PRLR: variants seen among roughly 807,000 people sequenced by gnomAD.
PRLR encodes the protein hPRL receptor.
In PRLR, 13 loss-of-function variants were observed where a neutral mutation model predicts 40.2. The observed-to-expected ratio is 0.32, with a 90% CI of 0.21 to 0.51. The LOEUF (loss-of-function observed/expected upper bound fraction) is 0.51, where lower values mean the gene tolerates loss of function less well. PRLR is among the 20% of genes least tolerant of loss of function. The pLI, the probability that PRLR is intolerant of heterozygous loss-of-function variation, is 0.97. For missense variants in PRLR, 656 were observed against 747.3 expected (o/e 0.88, Z 1.42); for synonymous variants, 269 against 278.7 (o/e 0.97, Z 0.35).
At chr5:35,229,195 G>T (rs1776629462) in intron 1 of PRLR, among the ~76,000 whole-genome samples, 1 of 150,624 alleles carries the variant, frequency 6.6e-6, no homozygotes, top group Non-Finnish European at 1.5e-5. Context: ...CCCAGAGAGG[G>T]TAAGTATCTT....
At chr5:35,069,792 T>C (rs1769623956) in intron 7 of PRLR, among the ~76,000 whole-genome samples, 1 of 152,216 alleles carries the variant, frequency 6.6e-6, no homozygotes, top group Admixed American at 6.5e-5. Context: ...TACTGCCTTA[T>C]AAATTCTGGA....
At position 35,136,282 on chromosome 5, in the gene PRLR, C is replaced by T. The variant is rs114278243; in HGVS notation, c.-105-18160G>A. Among the ~76,000 whole-genome samples, 1,016 of 152,254 alleles carry T rather than the reference C, an allele frequency of 6.7e-3. 8 individuals are homozygous for T. Among genetic ancestry groups the T allele is most frequent in the Middle Eastern group, 0.01 (3 of 294 alleles). ...GAATTTCTTAGGTACAAGGTAAAGC[C>T]TTAGTTGGTGAAGGAAAAAGAGACG... On this transcript the variant is annotated intron_variant, in intron 1 of 9. Coordinates refer to ENST00000618457, the MANE Select transcript of PRLR (RefSeq NM_000949.7).
chr5:35,076,224 C>A lies in PRLR; in HGVS notation c.374-3480G>T, dbSNP rs561927582. Among the ~76,000 whole-genome samples, 95 of 152,210 alleles carry A rather than the reference C, an allele frequency of 6.2e-4. No individual in the cohort carries two copies. The South Asian group carries it at 7.7e-3, about 12-fold the overall frequency. On this transcript the variant is annotated intron_variant, in intron 5 of 9. Transcript: ENST00000618457. ...CGAGCTGAGAGAAGAAGGCTTCAGA[C>A]GATTGGTAATAACAAACTTCTCTGA...
At chr5:35,129,110 G>A (rs1186942278) in intron 1 of PRLR, among the ~76,000 whole-genome samples, 2 of 152,192 alleles carry the variant, frequency 1.3e-5, no homozygotes, top group Non-Finnish European at 2.9e-5. Context: ...AAAAGAGATG[G>A]TGTCAAATTC....
At chr5:35,096,015 G>T (rs1000270169) in intron 2 of PRLR, among the ~76,000 whole-genome samples, 1 of 152,176 alleles carries the variant, frequency 6.6e-6, no homozygotes, top group African/African-American at 2.4e-5. Context: ...CAAGAGGAGC[G>T]CATGTGCTGT....
chr5:35,097,991 T>C (rs574827716), intron 2 of PRLR, among the ~76,000 whole-genome samples: 1 of 152,258 alleles, frequency 6.6e-6, no homozygotes, highest in African/African-American at 2.4e-5. Flanking sequence ...AGAACTTAGA[T>C]AGAGGCATTG....
intron 1 of PRLR, among the ~76,000 whole-genome samples, chr5:35,134,100 T>C (rs915314517): frequency 6.6e-6 from 1 of 152,094 alleles, no homozygotes; most frequent in Admixed American, 6.6e-5. Flanking sequence ...GCTCGGGTGA[T>C]GGGTGCACCA....
intron 1 of PRLR, among the ~76,000 whole-genome samples, chr5:35,192,861 G>T (rs1418382732): frequency 6.6e-6 from 1 of 152,210 alleles, no homozygotes; most frequent in Non-Finnish European, 1.5e-5. Flanking sequence ...CTGCCCTGAA[G>T]ACATCCAGGT....
intron 1 of PRLR, among the ~76,000 whole-genome samples, chr5:35,135,867 A>G (rs1773843095): frequency 6.6e-6 from 1 of 152,202 alleles, no homozygotes; most frequent in Non-Finnish European, 1.5e-5. Flanking sequence ...AACCCAGGGC[A>G]GCTGTGGTGT....
intron 1 of PRLR, among the ~76,000 whole-genome samples, chr5:35,142,346 A>G (rs186494682): frequency 6.6e-6 from 1 of 152,224 alleles, no homozygotes; most frequent in Admixed American, 6.5e-5. Flanking sequence ...TCACCTGGCG[A>G]TTTTAGATGG....
At chr5:35,066,551 C>T (rs1050036714) in intron 9 of PRLR, among the ~76,000 whole-genome samples, 1 of 150,600 alleles carries the variant, frequency 6.6e-6, no homozygotes, top group African/African-American at 2.4e-5. Context: ...TGTGGTTCAT[C>T]TTCCTTCTCT....
chr5:35,140,616 T>A (rs1188930583), intron 1 of PRLR, among the ~76,000 whole-genome samples: 1 of 152,222 alleles, frequency 6.6e-6, no homozygotes, highest in East Asian at 1.9e-4. Context: ...CAAAGTGTAA[T>A]CCTGTCCTTG....
At chr5:35,203,386 T>C (rs1775930777) in intron 1 of PRLR, among the ~76,000 whole-genome samples, 1 of 152,110 alleles carries the variant, frequency 6.6e-6, no homozygotes. Flanking sequence ...GTGTTGAGTG[T>C]GTAATTAGAA....
chr5:35,090,426 T>C (rs912821090), intron 2 of PRLR, among the ~76,000 whole-genome samples: 3 of 152,142 alleles, frequency 2.0e-5, no homozygotes, highest in Non-Finnish European at 4.4e-5. Context: ...CTAAATGGCC[T>C]TGTAAGAAAA....
chr5:35,219,861 CA>C (rs1325242961), intron 1 of PRLR, among the ~76,000 whole-genome samples: 1 of 152,144 alleles, frequency 6.6e-6, no homozygotes, highest in Non-Finnish European at 1.5e-5. Flanking sequence ...TGTTTTAGTT[CA>C]AAACAAGGGG....
At chr5:35,086,137 C>A in intron 4 of PRLR, 71 bp downstream of exon 4, 1 of 1,570,962 alleles carries the variant, frequency 6.4e-7, no homozygotes, top group Non-Finnish European at 8.7e-7. Flanking sequence ...TCACTCAGAA[C>A]CAGTGTTTCT....
intron 2 of PRLR, among the ~76,000 whole-genome samples, chr5:35,092,227 A>G (rs770173751): frequency 3.3e-5 from 5 of 152,216 alleles, no homozygotes; most frequent in Non-Finnish European, 7.3e-5. Context: ...CACATCCTGG[A>G]ATCTAGTTAC....
At chr5:35,180,057 C>T (rs553596788) in intron 1 of PRLR, among the ~76,000 whole-genome samples, 3 of 152,110 alleles carry the variant, frequency 2.0e-5, no homozygotes, top group South Asian at 2.1e-4. Flanking sequence ...AGACAATGAC[C>T]GATCACCACG....
intron 2 of PRLR, among the ~76,000 whole-genome samples, chr5:35,089,952 T>C (rs1189475552): frequency 6.6e-6 from 1 of 152,032 alleles, no homozygotes; most frequent in African/African-American, 2.4e-5. Flanking sequence ...CAGAGAAAAA[T>C]TGTTCTCTTT....
Sources: allele counts gnomAD v4.1 joint callset (sites outside exome capture counted in the v4.1 genomes callset), GRCh38; gene constraint gnomAD v4.1.1; transcripts MANE v1.5; gene names NCBI Gene and HGNC (gene_info 2026-07-23, HGNC 2026-07-21).